Variants in HMGN5 observed in about 807,000 individuals in gnomAD.
HMGN5 encodes high mobility group nucleosome-binding domain-containing protein 5.
A neutral mutation model predicts 9.5 loss-of-function variants in HMGN5; 4 were observed. The observed-to-expected ratio is 0.42, with a 90% CI of 0.21 to 0.96. The LOEUF is 0.96. Ranked by LOEUF, HMGN5 falls within the 40% of genes least tolerant of loss-of-function variation. The pLI is 0.30. For missense variants in HMGN5, 192 were observed against 187.5 expected (o/e 1.02, Z -0.14); for synonymous variants, 55 against 57.1 (o/e 0.96, Z 0.16).
chrX:81,189,850 A>G (rs962161173), intron 1 of HMGN5, among the ~76,000 whole-genome samples: 6 of 112,366 alleles, frequency 5.3e-5, no homozygotes, highest in Admixed American at 4.7e-4. Flanking sequence ...TCCACCAGCA[A>G]TGAATGATGT....
chrX:81,194,708 T>C (rs1160681161), intron 1 of HMGN5, among the ~76,000 whole-genome samples: 1 of 111,719 alleles, frequency 9.0e-6, no homozygotes, highest in African/African-American at 3.3e-5. Flanking sequence ...AACTGAAACA[T>C]ATTTAGTGAC....
chrX:81,126,424 T>G (rs1158511620), intron 1 of HMGN5, among the ~76,000 whole-genome samples: 1 of 111,473 alleles, frequency 9.0e-6, no homozygotes, highest in Non-Finnish European at 1.9e-5. Context: ...CAGTTTTCTA[T>G]ACCTCAAGAA....
chrX:81,142,526 A>G (rs1602564050), intron 1 of HMGN5, among the ~76,000 whole-genome samples: 2 of 111,881 alleles, frequency 1.8e-5, no homozygotes, highest in Admixed American at 1.9e-4. Context: ...CTTGCAGCAG[A>G]TTTTTCAGTG....
chrX:81,125,943 T>C (rs749997428), intron 1 of HMGN5, among the ~76,000 whole-genome samples: 77 of 109,530 alleles, frequency 7.0e-4, no homozygotes, highest in Non-Finnish European at 1.4e-3. Flanking sequence ...AGGTGAAGAG[T>C]TCGAGATCAA....
intron 1 of HMGN5, among the ~76,000 whole-genome samples, chrX:81,195,888 T>C (rs150756686): frequency 5.4e-5 from 6 of 111,831 alleles, no homozygotes; most frequent in East Asian, 2.8e-4. Flanking sequence ...ATTGTTTTTC[T>C]ATAGCTGAGT....
rs200225107 is a variant in HMGN5 at position 81,186,396 on chromosome X, T to C, written c.-124+15341A>G. On this transcript the variant is annotated intron_variant, in intron 1 of 6. Transcript: ENST00000358130. Reference sequence around the variant, plus strand: ...TCTTCTAGATTTTCCAATTGGCATATGGTTGCTTACAGTAGCCACTAATGA... The same window carrying C: ...TCTTCTAGATTTTCCAATTGGCATACGGTTGCTTACAGTAGCCACTAATGA... 4.8e-4 allele frequency among the ~76,000 whole-genome samples: 54 copies of C among 112,324 alleles called. No homozygotes were observed. The East Asian group carries it at 0.013, about 27-fold the overall frequency.
intron 1 of HMGN5, among the ~76,000 whole-genome samples, chrX:81,199,038 T>A (rs1382588961): frequency 9.0e-6 from 1 of 111,617 alleles, no homozygotes; most frequent in Non-Finnish European, 1.9e-5. Context: ...AGTCTCAGGG[T>A]ACAAAATCAA....
intron 1 of HMGN5, among the ~76,000 whole-genome samples, chrX:81,200,019 A>T (rs1258901650): frequency 8.9e-6 from 1 of 112,358 alleles, no homozygotes; most frequent in Non-Finnish European, 1.9e-5. Flanking sequence ...AAGAACTTAA[A>T]CAAATTTACA....
chrX:81,193,734 A>G (rs1347891479), intron 1 of HMGN5, among the ~76,000 whole-genome samples: 1 of 112,370 alleles, frequency 8.9e-6, no homozygotes, highest in Non-Finnish European at 1.9e-5. Context: ...ATACAGATAA[A>G]CTATTAATAT....
chrX:81,191,070 A>G (rs193184402), intron 1 of HMGN5, among the ~76,000 whole-genome samples: 1 of 111,402 alleles, frequency 9.0e-6, no homozygotes, highest in African/African-American at 3.3e-5. Context: ...AAACATTTTT[A>G]TTTCCCATGT....
intron 1 of HMGN5, among the ~76,000 whole-genome samples, chrX:81,127,192 T>A (rs919950922): frequency 1.8e-5 from 2 of 112,080 alleles, no homozygotes; most frequent in African/African-American, 3.2e-5. Flanking sequence ...TTAATTGGCC[T>A]TAATGTTCAG....
At chrX:81,118,617 A>G in intron 4 of HMGN5, 113 bp downstream of exon 4, 2 of 837,998 alleles carry the variant, frequency 2.4e-6, no homozygotes, top group Non-Finnish European at 1.7e-6. Flanking sequence ...CCTTGGTGTG[A>G]AAGTTTTTCT....
intron 1 of HMGN5, among the ~76,000 whole-genome samples, chrX:81,147,184 G>C (rs767877634): frequency 3.6e-5 from 4 of 111,515 alleles, no homozygotes; most frequent in Non-Finnish European, 7.5e-5. Context: ...AACCTGCAGA[G>C]ACACAGCAAA....
intron 1 of HMGN5, among the ~76,000 whole-genome samples, chrX:81,122,895 C>T (rs1360880983): frequency 9.0e-6 from 1 of 110,698 alleles, no homozygotes; most frequent in Non-Finnish European, 1.9e-5. Flanking sequence ...GATCTAATTC[C>T]CCACCGCCCT....
At chrX:81,119,008 C>G (rs1301273370) in intron 3 of HMGN5, among the ~76,000 whole-genome samples, 1 of 111,746 alleles carries the variant, frequency 8.9e-6, no homozygotes, top group Non-Finnish European at 1.9e-5. Context: ...TAGCTAGTAA[C>G]AAGGAGCACA....
At chrX:81,141,005 A>G (rs1290751497) in intron 1 of HMGN5, among the ~76,000 whole-genome samples, 1 of 111,418 alleles carries the variant, frequency 9.0e-6, no homozygotes, top group African/African-American at 3.3e-5. Flanking sequence ...CCTTAAGAGA[A>G]CATCAGTGGT....
chrX:81,153,160 A>G (rs959341394), intron 1 of HMGN5, among the ~76,000 whole-genome samples: 4 of 109,125 alleles, frequency 3.7e-5, no homozygotes, highest in Non-Finnish European at 7.6e-5. Context: ...ATTAAAAAAA[A>G]TAAAAAAATA....
intron 1 of HMGN5, among the ~76,000 whole-genome samples, chrX:81,141,605 G>A (rs921513994): frequency 1.3e-4 from 14 of 111,593 alleles, no homozygotes; most frequent in African/African-American, 4.6e-4. Flanking sequence ...TCATCAAGGA[G>A]GTACTTTTAC....
chrX:81,129,355 T>C (rs1265087446), intron 1 of HMGN5, among the ~76,000 whole-genome samples: 1 of 111,609 alleles, frequency 9.0e-6, no homozygotes, highest in Non-Finnish European at 1.9e-5. Context: ...AATGGCTTTT[T>C]TTGATTTGCA....
Sources: allele counts gnomAD v4.1 joint callset (sites outside exome capture counted in the v4.1 genomes callset), GRCh38; gene constraint gnomAD v4.1.1; transcripts MANE v1.5; gene names NCBI Gene and HGNC (gene_info 2026-07-23, HGNC 2026-07-21).